Variants in CDH12 observed in about 807,000 individuals in gnomAD.
CDH12 encodes cadherin 12, also known as cadherin-12.
Under a neutral mutation model 74.1 loss-of-function variants are expected in CDH12, and 41 were observed. The ratio of observed to expected loss-of-function variants is 0.55; its 90% CI spans 0.43 to 0.72. CDH12 has a LOEUF of 0.72. Among genes scored for constraint, CDH12 ranks in the 30% least tolerant of loss-of-function variants. CDH12 has a pLI of 0.00. For missense variants in CDH12, 945 were observed against 977.2 expected, an observed-to-expected ratio of 0.97 and a Z score of 0.44; for synonymous variants, 399 against 355.0, an observed-to-expected ratio of 1.12 and a Z score of -1.39.
chr5:22,523,622 C>T (rs770592486), intron 1 of CDH12, among the ~76,000 whole-genome samples: 1 of 152,106 alleles, frequency 6.6e-6, no homozygotes, highest in Non-Finnish European at 1.5e-5. Flanking sequence ...CCTTATGGCT[C>T]CTCATTTATT....
chr5:21,997,190 G>A (rs1281893135), intron 5 of CDH12, among the ~76,000 whole-genome samples: 4 of 152,092 alleles, frequency 2.6e-5, no homozygotes, highest in Middle Eastern at 3.2e-3. Context: ...GTCTGGGAAC[G>A]AAACTCAGGT....
chr5:22,055,980 T>C (rs575856319), intron 5 of CDH12, among the ~76,000 whole-genome samples: 9 of 152,288 alleles, frequency 5.9e-5, no homozygotes, highest in African/African-American at 2.2e-4. Flanking sequence ...TAAACATTGA[T>C]GTTCTAAAAT....
intron 11 of CDH12, among the ~76,000 whole-genome samples, chr5:21,766,737 T>C (rs1745045631): frequency 1.3e-5 from 2 of 151,938 alleles, no homozygotes; most frequent in South Asian, 4.1e-4. Context: ...TCTAAAGAAA[T>C]TGGAAATTAC....
At chr5:22,340,124 A>AT (rs1277651773) in intron 3 of CDH12, among the ~76,000 whole-genome samples, 2 of 152,198 alleles carry the variant, frequency 1.3e-5, no homozygotes, top group African/African-American at 2.4e-5. Context: ...CTATTTGAAC[A>AT]TTTTATATAC....
intron 11 of CDH12, among the ~76,000 whole-genome samples, chr5:21,778,351 A>G (rs1048047836): frequency 2.0e-5 from 3 of 151,590 alleles, no homozygotes; most frequent in Non-Finnish European, 2.9e-5. Flanking sequence ...ATAGAAAGCT[A>G]TTAATATAGT....
chr5:21,919,693 T>C (rs907079766), intron 6 of CDH12, among the ~76,000 whole-genome samples: 4 of 152,192 alleles, frequency 2.6e-5, no homozygotes, highest in Admixed American at 2.0e-4. Flanking sequence ...GATAAATACA[T>C]AATTTATTAA....
At chr5:21,852,234 C>T (rs1455781732) in intron 7 of CDH12, among the ~76,000 whole-genome samples, 5 of 151,264 alleles carry the variant, frequency 3.3e-5, no homozygotes, top group African/African-American at 1.2e-4. Context: ...GCCTAGTGGT[C>T]TAAGGTACTG....
chr5:21,924,657 T>A (rs1383722433), intron 6 of CDH12, among the ~76,000 whole-genome samples: 1 of 152,236 alleles, frequency 6.6e-6, no homozygotes, highest in African/African-American at 2.4e-5. Context: ...CCACTGTTGT[T>A]GTTAAGGTTA....
intron 3 of CDH12, among the ~76,000 whole-genome samples, chr5:22,240,827 G>A (rs992958677): frequency 6.6e-6 from 1 of 152,080 alleles, no homozygotes; most frequent in African/African-American, 2.4e-5. Context: ...AGCCACCGCC[G>A]CACCTGGCCG....
chr5:22,698,659 G>A (rs1580899452), intron 1 of CDH12, among the ~76,000 whole-genome samples: 1 of 110,612 alleles, frequency 9.0e-6, no homozygotes, highest in African/African-American at 3.4e-5. Flanking sequence ...ATTACATTTA[G>A]CTGCATTCAA....
At chr5:22,805,242 A>G (rs1748722170) in intron 1 of CDH12, among the ~76,000 whole-genome samples, 1 of 152,102 alleles carries the variant, frequency 6.6e-6, no homozygotes, top group Non-Finnish European at 1.5e-5. Context: ...ATAATAAAAT[A>G]CTTACATACT....
At chr5:21,850,669 C>T (rs1045403848) in intron 7 of CDH12, among the ~76,000 whole-genome samples, 7 of 151,394 alleles carry the variant, frequency 4.6e-5, no homozygotes, top group South Asian at 2.1e-4. Context: ...AATGAAAGGT[C>T]GATAGACTCA....
intron 4 of CDH12, among the ~76,000 whole-genome samples, chr5:22,164,608 C>A (rs572041399): frequency 6.6e-6 from 1 of 152,188 alleles, no homozygotes; most frequent in Non-Finnish European, 1.5e-5. Context: ...AGCTCCTGTA[C>A]GAGGAGGGGA....
At chr5:22,849,211 GA>G (rs1223922972) in intron 1 of CDH12, among the ~76,000 whole-genome samples, 2 of 152,044 alleles carry the variant, frequency 1.3e-5, no homozygotes, top group Non-Finnish European at 2.9e-5. Context: ...TAAATTAACA[GA>G]ATAACTCAAA....
intron 1 of CDH12, among the ~76,000 whole-genome samples, chr5:22,562,845 A>G (rs911297489): frequency 7.0e-6 from 1 of 142,356 alleles, no homozygotes; most frequent in African/African-American, 2.5e-5. Flanking sequence ...AATCTCATAA[A>G]TGATCTCTTA....
chr5:22,643,491 A>G (rs184290368), intron 1 of CDH12, among the ~76,000 whole-genome samples: 1 of 152,272 alleles, frequency 6.6e-6, no homozygotes, highest in Admixed American at 6.5e-5. Flanking sequence ...TTGGATACTA[A>G]TATGTGAATA....
At chr5:21,876,317 T>C (rs1751937695) in intron 6 of CDH12, among the ~76,000 whole-genome samples, 1 of 152,202 alleles carries the variant, frequency 6.6e-6, no homozygotes, top group Non-Finnish European at 1.5e-5. Context: ...TAGCATTCTT[T>C]ACAGACTCTT....
intron 2 of CDH12, among the ~76,000 whole-genome samples, chr5:22,500,694 A>G (rs966033386): frequency 6.6e-6 from 1 of 152,124 alleles, no homozygotes; most frequent in Non-Finnish European, 1.5e-5. Context: ...GTATGTTCTG[A>G]TACTTGGCTT....
intron 6 of CDH12, among the ~76,000 whole-genome samples, chr5:21,903,975 A>G (rs7448952): frequency 3.3e-5 from 5 of 151,840 alleles, no homozygotes; most frequent in African/African-American, 1.2e-4. Context: ...CCAGATTAAA[A>G]TGTCTTGCTA....
Sources: allele counts gnomAD v4.1 joint callset (sites outside exome capture counted in the v4.1 genomes callset), GRCh38; gene constraint gnomAD v4.1.1; transcripts MANE v1.5; gene names NCBI Gene and HGNC (gene_info 2026-07-23, HGNC 2026-07-21).